SEPTIN10: variants seen among roughly 807,000 people sequenced by gnomAD.
SEPTIN10 encodes the protein septin 10.
A neutral mutation model predicts 54.8 loss-of-function variants in SEPTIN10; 66 were observed. The observed-to-expected ratio is 1.21, with a 90% CI of 0.99 to 1.48. The LOEUF (loss-of-function observed/expected upper bound fraction) is 1.48, where lower values mean the gene tolerates loss of function less well. Ranked by LOEUF, SEPTIN10 falls within the 40% of genes most tolerant of loss-of-function variation. The pLI, the probability that SEPTIN10 is intolerant of heterozygous loss-of-function variation, is 0.00. For synonymous variants in SEPTIN10, 161 were observed against 181.0 expected (o/e 0.89, Z 0.89); for missense variants, 620 against 545.6 (o/e 1.14, Z -1.36).
intron 7 of SEPTIN10, among the ~76,000 whole-genome samples, chr2:109,565,256 T>C (rs553816282): frequency 1.3e-5 from 2 of 152,268 alleles, no homozygotes; most frequent in East Asian, 3.9e-4. Flanking sequence ...GTAAGGGTAA[T>C]CTATTCACCA....
intron 7 of SEPTIN10, 23 bp from the exon 8 acceptor site, chr2:109,564,557 AGAACAACACTG>A: frequency 6.8e-7 from 1 of 1,466,300 alleles, no homozygotes; most frequent in East Asian, 2.4e-5. Flanking sequence ...AAATAAGAAA[AGAACAACACTG>A]GATTTTAATT....
chr2:109,569,510 G>A (rs1687871824), intron 5 of SEPTIN10, among the ~76,000 whole-genome samples: 1 of 149,350 alleles, frequency 6.7e-6, no homozygotes, highest in Admixed American at 6.7e-5. Context: ...ATTTCACATT[G>A]ATGCCAAGTA....
chr2:109,545,440 T>TG (rs1558679308), intron 10 of SEPTIN10: 1 of 1,536,164 alleles, frequency 6.5e-7, no homozygotes. Context: ...GCTGCCCCCT[T>TG]GCACTGTGGC....
At chr2:109,613,330 C>T (rs549290120) in intron 1 of SEPTIN10, 39 of 385,420 alleles carry the variant, frequency 1.0e-4, no homozygotes, top group African/African-American at 7.1e-4. Context: ...AAAACTTGGA[C>T]GACCACACCA....
chr2:109,590,035 T>C (rs200958866), intron 2 of SEPTIN10, among the ~76,000 whole-genome samples: 1 of 147,920 alleles, frequency 6.8e-6, no homozygotes, highest in Non-Finnish European at 1.5e-5. Flanking sequence ...CACACATATA[T>C]ACACACATAT....
At chr2:109,569,432 CTT>C (rs1687843964) in intron 5 of SEPTIN10, among the ~76,000 whole-genome samples, 1 of 123,968 alleles carries the variant, frequency 8.1e-6, no homozygotes, top group African/African-American at 3.2e-5. Flanking sequence ...GAGCAAAACT[CTT>C]GTTAAAAAAA....
chr2:109,598,536 G>A (rs1191920510), intron 1 of SEPTIN10, among the ~76,000 whole-genome samples: 1 of 152,092 alleles, frequency 6.6e-6, no homozygotes, highest in Non-Finnish European at 1.5e-5. Context: ...AAAGCAAAAA[G>A]TGGCCTAAAT....
At position 109,543,228 on chromosome 2, in the gene SEPTIN10, G is replaced by C. The variant is rs1215785542; in HGVS notation, c.*1081C>G. The C allele has an allele frequency of 1.3e-5, 2 of 152,494 alleles. No homozygotes were observed. Among genetic ancestry groups the C allele is most frequent in the East Asian group, 3.9e-4 (2 of 5,186 alleles). 9.4% of individuals were successfully genotyped at this position (152,494 alleles called of 1,614,324 possible). A position where few individuals can be genotyped will look rare whatever the true frequency, so the allele number is the denominator to read the frequency against. ...TCTTAAAAAGTATTTTTAATAAAAT[G>C]ATTCAACCTTATTATTTTTACCCTG... On this transcript the variant is annotated 3_prime_UTR_variant, in exon 11 of 11. Coordinates refer to ENST00000397712, the MANE Select transcript of SEPTIN10 (RefSeq NM_144710.5).
At chr2:109,610,765 G>A (rs1308893338) in intron 1 of SEPTIN10, among the ~76,000 whole-genome samples, 1 of 152,132 alleles carries the variant, frequency 6.6e-6, no homozygotes, top group Non-Finnish European at 1.5e-5. Context: ...TGAGTTAGAA[G>A]ACTCAACATA....
rs185386932 is a variant in SEPTIN10, at chr2:109,601,669, C to T, written c.31-8550G>A. On this transcript the variant is annotated intron_variant, in intron 1 of 10. Transcript: ENST00000397712. ...ATATCTTTTCCTGATTTATTACTGACCCTTCCAGTTTTCATAAAGACTAAA... is the reference window on the plus strand; with the variant it reads ...ATATCTTTTCCTGATTTATTACTGATCCTTCCAGTTTTCATAAAGACTAAA... Among the ~76,000 whole-genome samples the T allele has an allele frequency of 3.2e-3, 485 of 152,072 alleles. 1 individual carries two copies. Among genetic ancestry groups the T allele is most frequent in the Non-Finnish European group, 5.8e-3 (397 of 68,006 alleles).
chr2:109,571,682 T>C (rs1688427577), intron 5 of SEPTIN10, among the ~76,000 whole-genome samples: 1 of 152,204 alleles, frequency 6.6e-6, no homozygotes, highest in Non-Finnish European at 1.5e-5. Context: ...CACTATTTTA[T>C]ATAAGGAATT....
chr2:109,577,116 C>A (rs1689862334), intron 4 of SEPTIN10, among the ~76,000 whole-genome samples: 1 of 152,022 alleles, frequency 6.6e-6, no homozygotes, highest in Non-Finnish European at 1.5e-5. Flanking sequence ...AGGGAGACTT[C>A]TTAATAGCAA....
At chr2:109,554,339 G>C (rs1683839364) in intron 8 of SEPTIN10, among the ~76,000 whole-genome samples, 1 of 152,138 alleles carries the variant, frequency 6.6e-6, no homozygotes, top group African/African-American at 2.4e-5. Flanking sequence ...TCCTACATTT[G>C]TGTATCGTAT....
chr2:109,582,601 G>GT (rs1473784975), intron 4 of SEPTIN10, among the ~76,000 whole-genome samples: 4 of 152,140 alleles, frequency 2.6e-5, no homozygotes, highest in Admixed American at 1.3e-4. Context: ...GATTACAGGC[G>GT]TAAGGCACCA....
At chr2:109,574,016 T>G (rs1014011482) in intron 5 of SEPTIN10, among the ~76,000 whole-genome samples, 2 of 152,236 alleles carry the variant, frequency 1.3e-5, no homozygotes, top group African/African-American at 4.8e-5. Context: ...AGAATACCCA[T>G]GTTCTGGCAT....
At chr2:109,557,273 TCA>T (rs1684601949) in intron 8 of SEPTIN10, among the ~76,000 whole-genome samples, 1 of 152,178 alleles carries the variant, frequency 6.6e-6, no homozygotes, top group Non-Finnish European at 1.5e-5. Context: ...CTTGAGTTGT[TCA>T]CAAGGAAAAT....
At chr2:109,607,763 C>T (rs1698331094) in intron 1 of SEPTIN10, among the ~76,000 whole-genome samples, 1 of 152,094 alleles carries the variant, frequency 6.6e-6, no homozygotes, top group African/African-American at 2.4e-5. Flanking sequence ...CCCAACCTGC[C>T]CTAAATCAAA....
chr2:109,582,662 G>T (rs1691485471), intron 4 of SEPTIN10, among the ~76,000 whole-genome samples: 1 of 151,870 alleles, frequency 6.6e-6, no homozygotes, highest in African/African-American at 2.4e-5. Context: ...ATTTTTCACA[G>T]AATTAGAAAA....
At chr2:109,548,761 G>C in intron 9 of SEPTIN10, among the ~76,000 whole-genome samples, 1 of 111,918 alleles carries the variant, frequency 8.9e-6, no homozygotes, top group East Asian at 2.9e-4. Flanking sequence ...GGGCCACAGA[G>C]TTAGGCTCCA....
Sources: gnomAD v4.1 joint callset for allele counts (sites outside exome capture counted in the v4.1 genomes callset) on GRCh38, gnomAD v4.1.1 for gene constraint, MANE v1.5 for transcripts, NCBI Gene and HGNC (gene_info 2026-07-23, HGNC 2026-07-21) for gene names.